Variants in PTPRG observed in about 807,000 individuals in gnomAD.
PTPRG encodes protein tyrosine phosphatase receptor type G, also known as receptor-type tyrosine-protein phosphatase gamma.
PTPRG carries 102 observed loss-of-function variants against 165.3 expected under a neutral mutation model. The observed-to-expected ratio is 0.62, with a 90% CI of 0.53 to 0.73. The LOEUF is 0.73. Ranked by LOEUF, PTPRG falls within the 30% of genes least tolerant of loss-of-function variation. The probability of loss-of-function intolerance (pLI) is 0.00; values close to 1 mark genes in which losing one functional copy is unlikely to be tolerated. For synonymous variants in PTPRG, 675 were observed against 669.5 expected (o/e 1.01, Z -0.13); for missense variants, 1,866 against 1,861.4 (o/e 1.00, Z -0.05).
chr3:62,196,273 ATCCCAGCTAC>A (rs1426329653), intron 10 of PTPRG, among the ~76,000 whole-genome samples: 3 of 151,546 alleles, frequency 2.0e-5, no homozygotes, highest in East Asian at 2.0e-4. Flanking sequence ...CGTGCCTGTA[ATCCCAGCTAC>A]TCCCAGCTAC....
chr3:61,769,875 G>C (rs1295070911), intron 2 of PTPRG: 1 of 152,142 alleles, frequency 6.6e-6, no homozygotes, highest in Non-Finnish European at 1.5e-5. Flanking sequence ...AGTGTTTTCA[G>C]ATGTTCCCAC....
At chr3:61,572,637 G>A (rs1370004489) in intron 1 of PTPRG, among the ~76,000 whole-genome samples, 3 of 152,166 alleles carry the variant, frequency 2.0e-5, no homozygotes, top group Non-Finnish European at 4.4e-5. Flanking sequence ...AGGCACTGGG[G>A]GAGACAATGG....
At chr3:61,896,345 G>A (rs1055015360) in intron 2 of PTPRG, among the ~76,000 whole-genome samples, 5 of 152,058 alleles carry the variant, frequency 3.3e-5, no homozygotes, top group Non-Finnish European at 7.4e-5. Flanking sequence ...CTTTCACTTG[G>A]AATAATTCTC....
At chr3:61,879,330 GTCT>G (rs1173127380) in intron 2 of PTPRG, among the ~76,000 whole-genome samples, 1 of 152,150 alleles carries the variant, frequency 6.6e-6, no homozygotes, top group East Asian at 1.9e-4. Flanking sequence ...GCAGTTTTAA[GTCT>G]TCTGATATAG....
At chr3:61,836,186 A>G (rs139860729) in intron 2 of PTPRG, among the ~76,000 whole-genome samples, 1 of 151,910 alleles carries the variant, frequency 6.6e-6, no homozygotes, top group African/African-American at 2.4e-5. Flanking sequence ...ATCACTGGTA[A>G]GTCTTTACCT....
chr3:61,623,403 G>A lies in PTPRG; in HGVS notation c.85+61031G>A, dbSNP rs550086142. 3.9e-5 allele frequency among the ~76,000 whole-genome samples: 6 copies of A among 152,318 alleles called. No individual in the cohort carries two copies. In the South Asian group the frequency reaches 6.2e-4, roughly 16 times the overall value. ...GACTAGAACACAGAGAAATCGGGGG[G>A]AAGGACCTTGAGGTTAATTACAACT... On this transcript the variant is annotated intron_variant, in intron 1 of 29. Coordinates refer to ENST00000474889, the MANE Select transcript of PTPRG (RefSeq NM_002841.4).
chr3:61,836,743 G>GT (rs55916289), intron 2 of PTPRG, among the ~76,000 whole-genome samples: 138,318 of 152,036 alleles, frequency 0.91, 63,165 homozygotes, highest in East Asian at 1. Context: ...GTTGTTTTTT[G>GT]TTTTTTTATT....
At chr3:61,643,789 C>CT (rs1450469485) in intron 1 of PTPRG, among the ~76,000 whole-genome samples, 1 of 151,972 alleles carries the variant, frequency 6.6e-6, no homozygotes, top group Non-Finnish European at 1.5e-5. Flanking sequence ...AAAGCACCCA[C>CT]TGTAACACAG....
chr3:61,899,427 G>A (rs1044340676), intron 2 of PTPRG, among the ~76,000 whole-genome samples: 3 of 152,202 alleles, frequency 2.0e-5, no homozygotes, highest in Non-Finnish European at 2.9e-5. Flanking sequence ...GACTGAAACA[G>A]TTGTGTTTGA....
chr3:61,589,757 A>G lies in PTPRG; in HGVS notation c.85+27385A>G, dbSNP rs1325588054. Among the ~76,000 whole-genome samples, 4 of 152,130 alleles carry G rather than the reference A, an allele frequency of 2.6e-5. No homozygotes were observed. The East Asian group carries it at 7.7e-4, about 29-fold the overall frequency. Reference sequence around the variant, plus strand: ...TGCTTAGTGAAGAGTTGTCGGGTGGATGGATGAGTGGATGGGTAGATGGGT... The same window carrying G: ...TGCTTAGTGAAGAGTTGTCGGGTGGGTGGATGAGTGGATGGGTAGATGGGT... On this transcript the variant is annotated intron_variant, in intron 1 of 29. Coordinates refer to ENST00000474889, the MANE Select transcript of PTPRG (RefSeq NM_002841.4).
At chr3:61,965,304 A>G (rs1017879894) in intron 2 of PTPRG, among the ~76,000 whole-genome samples, 3 of 151,794 alleles carry the variant, frequency 2.0e-5, no homozygotes, top group African/African-American at 7.3e-5. Context: ...CACACCCAAC[A>G]TGGTGAAACC....
At chr3:61,581,518 T>C (rs1258522627) in intron 1 of PTPRG, among the ~76,000 whole-genome samples, 1 of 152,140 alleles carries the variant, frequency 6.6e-6, no homozygotes, top group African/African-American at 2.4e-5. Context: ...GTTAGGTTTG[T>C]GCTTCTCAGT....
At chr3:62,211,386 T>G (rs1442080249) in intron 12 of PTPRG, among the ~76,000 whole-genome samples, 1 of 152,246 alleles carries the variant, frequency 6.6e-6, no homozygotes, top group Non-Finnish European at 1.5e-5. Flanking sequence ...ATAGAGTTTC[T>G]GTTTTGCAAG....
At chr3:62,289,013 T>C (rs992580562) in intron 28 of PTPRG, among the ~76,000 whole-genome samples, 1 of 152,228 alleles carries the variant, frequency 6.6e-6, no homozygotes, top group African/African-American at 2.4e-5. Context: ...TTTAAGCCTA[T>C]AAATAAGCAT....
chr3:62,097,836 G>A (rs1437351449), intron 5 of PTPRG, among the ~76,000 whole-genome samples: 1 of 152,134 alleles, frequency 6.6e-6, no homozygotes, highest in Admixed American at 6.5e-5. Flanking sequence ...ATCTCGTGAA[G>A]CACTTTTTAG....
At chr3:61,836,062 C>CCCAAAA (rs2036450402) in intron 2 of PTPRG, among the ~76,000 whole-genome samples, 7 of 103,620 alleles carry the variant, frequency 6.8e-5, no homozygotes, top group Admixed American at 1.1e-4. Flanking sequence ...CCCCCCCCAC[C>CCCAAAA]AAAAAAAAAA....
intron 9 of PTPRG, among the ~76,000 whole-genome samples, chr3:62,193,453 A>C (rs1699887065): frequency 6.6e-6 from 1 of 152,092 alleles, no homozygotes; most frequent in Non-Finnish European, 1.5e-5. Flanking sequence ...GGACACACAA[A>C]ATTAATTTTT....
chr3:61,995,568 T>G (rs1311298268), intron 3 of PTPRG, among the ~76,000 whole-genome samples: 1 of 151,676 alleles, frequency 6.6e-6, no homozygotes, highest in Non-Finnish European at 1.5e-5. Flanking sequence ...AAAGTGTGTT[T>G]GTGTGTGTGT....
At chr3:61,842,535 C>T (rs548186839) in intron 2 of PTPRG, among the ~76,000 whole-genome samples, 30 of 152,240 alleles carry the variant, frequency 2.0e-4, no homozygotes, top group Non-Finnish European at 3.4e-4. Context: ...CACATTAAAT[C>T]AACCCAACTT....
Sources: allele counts gnomAD v4.1 joint callset (sites outside exome capture counted in the v4.1 genomes callset), GRCh38; gene constraint gnomAD v4.1.1; transcripts MANE v1.5; gene names NCBI Gene and HGNC (gene_info 2026-07-23, HGNC 2026-07-21).